Variants in SAMMSON observed in about 807,000 individuals in gnomAD.
The protein encoded by SAMMSON is survival associated mitochondrial melanoma specific oncogenic non-coding RNA, also known as long intergenic non-protein coding RNA 1212.
At chr3:70,357,815 T>C (rs1702840773) in intron 8 of SAMMSON, among the ~76,000 whole-genome samples, 1 of 152,158 alleles carries the variant, frequency 6.6e-6, no homozygotes, top group African/African-American at 2.4e-5. Flanking sequence ...TATGACAAAA[T>C]GTGTCAAATT....
chr3:70,375,218 G>C (rs1400255403), intron 9 of SAMMSON, among the ~76,000 whole-genome samples: 1 of 151,898 alleles, frequency 6.6e-6, no homozygotes, highest in East Asian at 1.9e-4. Context: ...TTATTTCTCT[G>C]TGTCTCCCCT....
intron 7 of SAMMSON, among the ~76,000 whole-genome samples, chr3:70,294,135 T>C (rs1411535459): frequency 6.6e-6 from 1 of 152,186 alleles, no homozygotes; most frequent in African/African-American, 2.4e-5. Flanking sequence ...GAAATGTCAG[T>C]TGTTCAAAAT....
chr3:70,376,314 G>A (rs1703014228), intron 9 of SAMMSON, among the ~76,000 whole-genome samples: 1 of 152,154 alleles, frequency 6.6e-6, no homozygotes, highest in Non-Finnish European at 1.5e-5. Flanking sequence ...TGGGTAAAGT[G>A]TTTTCAAAAT....
chr3:70,125,907 C>T (rs1163025637), intron 4 of SAMMSON: 11 of 700,738 alleles, frequency 1.6e-5, no homozygotes, highest in Middle Eastern at 2.6e-4. Context: ...TAGATAATTC[C>T]TCATCGTCTT....
At position 70,373,464 on chromosome 3, in the gene SAMMSON, G is replaced by T. The variant is rs114265287; in HGVS notation, n.913+15140G>T. ...GGTGTATATTTATTTAGGTTTTCTT[G>T]TTGGGGTTTACTATAATAAGCTTCT... On this transcript the variant is annotated intron_variant and non_coding_transcript_variant, in intron 9 of 9. Transcript: ENST00000642114. 7.2e-3 allele frequency among the ~76,000 whole-genome samples: 1,092 copies of T among 152,090 alleles called. 17 individuals are homozygous for T. Among genetic ancestry groups the T allele is most frequent in the African/African-American group, 0.025 (1,047 of 41,516 alleles).
intron 4 of SAMMSON, chr3:70,125,439 A>G (rs13071630): frequency 0.041 from 39,209 of 961,822 alleles, 1,601 homozygotes; most frequent in East Asian, 0.17. Context: ...TCCTTTTCCA[A>G]TTCCCTTCTA....
chr3:70,261,876 T>C (rs1031224401), intron 6 of SAMMSON, among the ~76,000 whole-genome samples: 2 of 152,094 alleles, frequency 1.3e-5, no homozygotes, highest in Non-Finnish European at 2.9e-5. Flanking sequence ...GGGTTTGTTA[T>C]CCAAGAAGAT....
downstream of SAMMSON, among the ~76,000 whole-genome samples, chr3:70,394,365 G>T (rs528025178): frequency 2.0e-5 from 3 of 152,204 alleles, no homozygotes; most frequent in East Asian, 5.8e-4. Context: ...ATTTCCCTTT[G>T]CGTGGCCTTG....
intron 3 of SAMMSON, among the ~76,000 whole-genome samples, chr3:70,037,519 G>C (rs1290090874): frequency 6.6e-6 from 1 of 152,130 alleles, no homozygotes; most frequent in African/African-American, 2.4e-5. Context: ...GAGATGGAGA[G>C]AGAAAAAGGA....
chr3:70,337,170 TATA>T (rs1559566817), intron 7 of SAMMSON, among the ~76,000 whole-genome samples: 1 of 56,886 alleles, frequency 1.8e-5, no homozygotes, highest in Non-Finnish European at 4.3e-5. Context: ...TCTAACTTAA[TATA>T]ATATTAATAA....
exon 9 of SAMMSON, chr3:70,358,277 T>G (rs2106738475): frequency 6.6e-6 from 1 of 152,312 alleles, no homozygotes; most frequent in South Asian, 2.1e-4. Flanking sequence ...CCTAATGGTG[T>G]GCTACCATGC....
chr3:70,270,557 T>C (rs9846850), intron 6 of SAMMSON, among the ~76,000 whole-genome samples: 71,362 of 151,956 alleles, frequency 0.47, 17,544 homozygotes, highest in East Asian at 0.75. Flanking sequence ...TTTCTTAGTC[T>C]GAGTTCAGTG....
chr3:70,398,908 T>C (rs1216734883), intron 2 of SAMMSON, among the ~76,000 whole-genome samples: 2 of 152,240 alleles, frequency 1.3e-5, no homozygotes, highest in African/African-American at 4.8e-5. Flanking sequence ...AGAACTTTCA[T>C]ATATGCAAGT....
intron 4 of SAMMSON, among the ~76,000 whole-genome samples, chr3:70,092,747 CATCTT>C (rs2067309283): frequency 6.6e-6 from 1 of 152,068 alleles, no homozygotes; most frequent in South Asian, 2.1e-4. Flanking sequence ...CTTGGTATCT[CATCTT>C]ATCCTGTCGT....
At position 70,281,163 on chromosome 3, in the gene SAMMSON, C is replaced by T. The variant is rs551395940; in HGVS notation, n.675-10016C>T. ...GGGTAAAGAGGAAATTTTCTCTTGG[C>T]CCCTACAATTTTAGTGTAGTTGTCA... On this transcript the variant is annotated intron_variant and non_coding_transcript_variant, in intron 6 of 9. Transcript: ENST00000642114. Among the ~76,000 whole-genome samples, 25 of 152,184 alleles carry T rather than the reference C, an allele frequency of 1.6e-4. No individual in the cohort carries two copies. In the South Asian group the frequency reaches 4.2e-3, roughly 25 times the overall value.
At chr3:70,195,976 T>G (rs1701174353) in intron 4 of SAMMSON, among the ~76,000 whole-genome samples, 1 of 152,222 alleles carries the variant, frequency 6.6e-6, no homozygotes, top group African/African-American at 2.4e-5. Flanking sequence ...AAACATGGTT[T>G]CTGAAGCACA....
chr3:70,066,292 C>T (rs2067210340), intron 3 of SAMMSON, among the ~76,000 whole-genome samples: 1 of 152,060 alleles, frequency 6.6e-6, no homozygotes. Flanking sequence ...ACATTCTGTT[C>T]AGTTTATTAC....
At chr3:70,281,912 G>A (rs977900785) in intron 6 of SAMMSON, among the ~76,000 whole-genome samples, 2 of 152,130 alleles carry the variant, frequency 1.3e-5, no homozygotes, top group African/African-American at 4.8e-5. Context: ...GTTTTAAAAA[G>A]CATCTTGGGT....
intron 3 of SAMMSON, among the ~76,000 whole-genome samples, chr3:70,039,187 A>C (rs1170508315): frequency 6.6e-6 from 1 of 152,108 alleles, no homozygotes; most frequent in Non-Finnish European, 1.5e-5. Flanking sequence ...CAGCCCTTTG[A>C]ATCTTGTCTC....
Sources: gnomAD v4.1 joint callset for allele counts (sites outside exome capture counted in the v4.1 genomes callset) on GRCh38, gnomAD v4.1.1 for gene constraint, MANE v1.5 for transcripts, NCBI Gene and HGNC (gene_info 2026-07-23, HGNC 2026-07-21) for gene names.